Variants in CDKN3 observed in about 807,000 individuals in gnomAD.
CDKN3 encodes cyclin-dependent kinase inhibitor 3.
Under a neutral mutation model 36.1 loss-of-function variants are expected in CDKN3, and 19 were observed. That is an observed-to-expected ratio of 0.53 (90% CI 0.37 to 0.77). CDKN3 has a LOEUF of 0.77. Among genes scored for constraint, CDKN3 ranks in the 30% least tolerant of loss-of-function variants. The pLI is 0.00. For missense variants in CDKN3, 188 were observed against 248.6 expected, an observed-to-expected ratio of 0.76 and a Z score of 1.64; for synonymous variants, 71 against 85.3, an observed-to-expected ratio of 0.83 and a Z score of 0.92.
At chr14:54,411,230 C>CA (rs754106708) in intron 4 of CDKN3, 98 of 386,084 alleles carry the variant, frequency 2.5e-4, no homozygotes, top group East Asian at 4.0e-4. Context: ...GTATTCATTG[C>CA]AAAAAAAAAT....
chr14:54,403,439 G>A (rs2030034379), intron 3 of CDKN3, among the ~76,000 whole-genome samples: 1 of 152,140 alleles, frequency 6.6e-6, no homozygotes, highest in African/African-American at 2.4e-5. Context: ...ATCAGCTTTG[G>A]GCTGAGACAA....
intron 5 of CDKN3, among the ~76,000 whole-genome samples, chr14:54,413,252 A>G (rs757696742): frequency 2.6e-5 from 4 of 152,220 alleles, no homozygotes; most frequent in Non-Finnish European, 4.4e-5. Context: ...TGATGATGTG[A>G]AAGTTTCTGA....
In CDKN3 at chr14:54,400,907, A is replaced by G. The variant is rs2029915575; in HGVS notation, c.93-617A>G. On this transcript the variant is annotated intron_variant, in intron 2 of 7. Transcript: ENST00000335183. The stretch of plus-strand genomic sequence containing the variant: ...TTTTAACCAAAAACCTGTGGTTTTC[A>G]TCATATGAAATTATATCTGTTAAGG... Among the ~76,000 whole-genome samples, 2 of 152,224 alleles carry G rather than the reference A, an allele frequency of 1.3e-5. 1 individual carries two copies. Among genetic ancestry groups the G allele is most frequent in the East Asian group, 3.8e-4 (2 of 5,202 alleles).
At chr14:54,410,514 T>C (rs774588196) in intron 4 of CDKN3, among the ~76,000 whole-genome samples, 2 of 152,200 alleles carry the variant, frequency 1.3e-5, no homozygotes, top group Non-Finnish European at 2.9e-5. Flanking sequence ...TCCTAGTGTA[T>C]AGAATGCCTA....
At chr14:54,407,824 C>T (rs905549364) in intron 3 of CDKN3, among the ~76,000 whole-genome samples, 5 of 152,204 alleles carry the variant, frequency 3.3e-5, no homozygotes, top group African/African-American at 1.2e-4. Flanking sequence ...CACTCAGCTC[C>T]CTGGCTTCAG....
intron 3 of CDKN3, among the ~76,000 whole-genome samples, chr14:54,407,352 C>T (rs1282880427): frequency 1.3e-5 from 2 of 152,178 alleles, no homozygotes; most frequent in Non-Finnish European, 2.9e-5. Flanking sequence ...GCAGTCTGTC[C>T]CTTAGCAAAG....
Position 54,415,919 on chromosome 14 carries a change from G to A in CDKN3, c.437G>A (p.Arg146Lys). 1 of 1,603,062 alleles carries A rather than the reference G, an allele frequency of 6.2e-7. No individual in the cohort carries two copies. The highest frequency in any genetic ancestry group is 8.5e-7 in the Non-Finnish European group (1 of 1,170,122). The change falls in exon 6 of 8, where the codon AGA (arginine) becomes AAA (lysine). Residue 146 changes from arginine to lysine, a missense_variant. Arg to Lys is a conservative substitution (Grantham distance 26). Transcript: ENST00000335183. Reference protein sequence around the residue: ...TLIHCYGGLGRSCLVAACLLL... With the variant: ...TLIHCYGGLGKSCLVAACLLL... ...TTCAGCTGCTATGGAGGACTTGGGA[G>A]ATCTTGTCTTGGTAAGAAATATATT...
Position 54,411,540 on chromosome 14 carries a change from C to T in CDKN3, c.250C>T (p.Leu84=). Residue 84 remains leucine (L), a synonymous_variant, in exon 5 of 8, where the codon CTG becomes TTG. Coordinates refer to ENST00000335183, the MANE Select transcript of CDKN3 (RefSeq NM_005192.4). The part of the protein sequence containing the change: ...DIFVFCTRGE[L]SKYRVPNLLD... ...ATTTGTTTTCTGCACCAGAGGGGAACTGTCAAAATATAGAGTCCCAAACCT... is the reference window on the plus strand; with the variant it reads ...ATTTGTTTTCTGCACCAGAGGGGAATTGTCAAAATATAGAGTCCCAAACCT... 1 of 1,614,094 alleles carries T rather than the reference C, an allele frequency of 6.2e-7. No individual in the cohort carries two copies. Among genetic ancestry groups the T allele is most frequent in the Non-Finnish European group, 8.5e-7 (1 of 1,180,024 alleles).
At position 54,419,999 on chromosome 14, in the gene CDKN3, A is replaced by G; in HGVS notation, c.560A>G (p.Asn187Ser). The G allele has an allele frequency of 6.3e-7, 1 of 1,599,056 alleles. No individual in the cohort carries two copies. The highest frequency in any genetic ancestry group is 2.2e-5 in the East Asian group (1 of 44,668). The change falls in exon 8 of 8, where the codon AAT becomes AGT. Residue 187 changes from asparagine (N) to serine (S), a missense_variant. By Grantham distance (46) the Asn-to-Ser change is conservative (BLOSUM62 1). Transcript: ENST00000335183. ...TATCTTTACTTTTTTCAGCAATACA[A>G]TTATCTTCATGAGTTTCGGGACAAA... ...SGAIQTIKQY[N>S]YLHEFRDKLA...
chr14:54,408,188 C>T (rs965966025), intron 3 of CDKN3, among the ~76,000 whole-genome samples: 6 of 152,242 alleles, frequency 3.9e-5, no homozygotes, highest in Non-Finnish European at 5.9e-5. Context: ...GGCATCTCCA[C>T]ACTGTTTTCC....
intron 3 of CDKN3, among the ~76,000 whole-genome samples, chr14:54,404,758 G>C (rs1439289546): frequency 1.3e-5 from 2 of 152,066 alleles, no homozygotes; most frequent in Non-Finnish European, 2.9e-5. Context: ...TGTATTTTTA[G>C]TAGAGACGGG....
chr14:54,402,309 CGTGTGTGTGTGTGT>C (rs35529322), intron 3 of CDKN3, among the ~76,000 whole-genome samples: 2 of 147,728 alleles, frequency 1.4e-5, no homozygotes, highest in Non-Finnish European at 3.0e-5. Flanking sequence ...CATGTGTGTG[CGTGTGTGTGTGTGT>C]GTGTGTGTGT....
intron 7 of CDKN3, 97 bp from the exon 8 acceptor site, chr14:54,419,895 C>G: frequency 1.5e-6 from 1 of 681,100 alleles, no homozygotes; most frequent in African/African-American, 1.8e-5. Flanking sequence ...TTGTGCTTAG[C>G]AAGTATTTTT....
intron 7 of CDKN3, among the ~76,000 whole-genome samples, chr14:54,418,815 G>A (rs1019428457): frequency 6.6e-5 from 10 of 152,112 alleles, no homozygotes; most frequent in Non-Finnish European, 1.3e-4. Context: ...ATCCATACAA[G>A]ATCCACTCCA....
chr14:54,409,831 G>T (rs1317910068), intron 4 of CDKN3, among the ~76,000 whole-genome samples: 1 of 150,712 alleles, frequency 6.6e-6, no homozygotes, highest in Non-Finnish European at 1.5e-5. Flanking sequence ...AGGCTGGAGT[G>T]CAATGAGCTG....
chr14:54,397,188 G>T (rs766808677), intron 1 of CDKN3, 111 bp downstream of exon 1: 1 of 1,218,112 alleles, frequency 8.2e-7, no homozygotes. Flanking sequence ...AGTGCGACTG[G>T]CGCCGTAACC....
chr14:54,412,106 T>C (rs1438154147), intron 5 of CDKN3, among the ~76,000 whole-genome samples: 5 of 152,196 alleles, frequency 3.3e-5, no homozygotes, highest in Non-Finnish European at 7.4e-5. Context: ...TTTGGCCAGG[T>C]GCAGTGGCTC....
chr14:54,398,987 C>CTT lies in CDKN3; in HGVS notation c.10-890_10-889dup, dbSNP rs113342693. 8.6e-4 allele frequency among the ~76,000 whole-genome samples: 94 copies of CTT among 109,260 alleles called. 6 individuals are homozygous for CTT. The highest frequency in any genetic ancestry group is 2.2e-3 in the African/African-American group (63 of 28,926). The allele number at this position is 109,260 out of a possible 152,430, so 71.7% of individuals were successfully genotyped here. On this transcript the variant is annotated intron_variant, in intron 1 of 7. Transcript: ENST00000335183. Reference sequence around the variant, plus strand: ...TTCTTTCCTTTCTTTTTTCTTCTTCCTTTTTTTTTTTTTTTTTTGGCAGAG... The same window carrying CTT: ...TTCTTTCCTTTCTTTTTTCTTCTTCCTTTTTTTTTTTTTTTTTTTTGGCAGAG...
intron 4 of CDKN3, among the ~76,000 whole-genome samples, chr14:54,410,076 T>A (rs563875521): frequency 1.7e-4 from 26 of 152,344 alleles, no homozygotes; most frequent in African/African-American, 5.8e-4. Flanking sequence ...TGGTTCAAAG[T>A]CAGTCTTGTA....
Sources: allele counts gnomAD v4.1 joint callset (sites outside exome capture counted in the v4.1 genomes callset), GRCh38; gene constraint gnomAD v4.1.1; transcripts MANE v1.5; gene names NCBI Gene and HGNC (gene_info 2026-07-23, HGNC 2026-07-21).